The following GEMIN5 variants were observed in gnomAD, a reference collection of about 807,000 sequenced individuals.
The protein encoded by GEMIN5 is gem-associated protein 5.
In GEMIN5, 124 loss-of-function variants were observed where a neutral mutation model predicts 176.9. The observed-to-expected ratio is 0.70, with a 90% CI of 0.61 to 0.81. GEMIN5 has a LOEUF of 0.81. GEMIN5 is among the 40% of genes least tolerant of loss of function. The probability of loss-of-function intolerance (pLI) is 0.00; values close to 1 mark genes in which losing one functional copy is unlikely to be tolerated. For missense variants in GEMIN5, 1,843 were observed against 1,814.6 expected (o/e 1.02, Z -0.28); for synonymous variants, 673 against 665.2 (o/e 1.01, Z -0.18).
chr5:154,903,172 A>G lies in GEMIN5; in HGVS notation c.2636T>C (p.Leu879Pro). The change falls in exon 19 of 28, where the codon CTG (leucine) becomes CCG (proline). Residue 879 changes from leucine to proline, a missense_variant. By Grantham distance (98) the Leu-to-Pro change is moderately conservative (BLOSUM62 -3). Transcript: ENST00000285873. ...VLATAKHSRE[L>P]NEDVSADVEE... ...AACATCAGCAGACACATCTTCATTC[A>G]GCTCTGTTAATTTAAAAAGGCAAAA... The G allele has an allele frequency of 6.2e-7, 1 of 1,606,014 alleles. No individual in the cohort carries two copies.
chr5:154,927,197 G>A (rs1318688747), intron 7 of GEMIN5, among the ~76,000 whole-genome samples, 188 bp downstream of exon 7: 1 of 152,116 alleles, frequency 6.6e-6, no homozygotes, highest in East Asian at 1.9e-4. Context: ...AAACTATTTT[G>A]GTGGGTCTTC....
At chr5:154,913,071 A>G (rs1249645695) in intron 13 of GEMIN5, 33 bp from the exon 14 acceptor site, 1 of 1,552,918 alleles carries the variant, frequency 6.4e-7, no homozygotes, top group Non-Finnish European at 8.7e-7. Flanking sequence ...CACTGCTGCT[A>G]CTACTAATAA....
chr5:154,888,534 AAC>A (rs960483063), intron 27 of GEMIN5, among the ~76,000 whole-genome samples, 157 bp from the exon 28 acceptor site: 3 of 152,184 alleles, frequency 2.0e-5, no homozygotes, highest in African/African-American at 7.2e-5. Context: ...CTTTCTCTTC[AAC>A]AGTTACTCCA....
At chr5:154,908,372 G>T (rs1396988330) in intron 15 of GEMIN5, among the ~76,000 whole-genome samples, 1 of 151,860 alleles carries the variant, frequency 6.6e-6, no homozygotes, top group Non-Finnish European at 1.5e-5. Flanking sequence ...GTAGAGACGG[G>T]GTTTCACCAT....
chr5:154,925,782 C>T (rs986701549), intron 8 of GEMIN5, 80 bp downstream of exon 8: 8 of 757,378 alleles, frequency 1.1e-5, no homozygotes, highest in South Asian at 6.5e-5. Flanking sequence ...CTCAACAGAG[C>T]GCATTTAAAT....
chr5:154,898,091 G>A (rs1179127392), intron 23 of GEMIN5, among the ~76,000 whole-genome samples: 1 of 151,862 alleles, frequency 6.6e-6, no homozygotes, highest in Non-Finnish European at 1.5e-5. Flanking sequence ...AGTTGAAACG[G>A]GGTTTCACCA....
chr5:154,908,314 G>A (rs1373215299), intron 15 of GEMIN5, among the ~76,000 whole-genome samples: 1 of 151,614 alleles, frequency 6.6e-6, no homozygotes, highest in Non-Finnish European at 1.5e-5. Context: ...CTGAGTAGCT[G>A]GGATTACAGG....
chr5:154,925,453 G>GTT (rs1764009796), intron 8 of GEMIN5, among the ~76,000 whole-genome samples: 1 of 152,072 alleles, frequency 6.6e-6, no homozygotes, highest in Non-Finnish European at 1.5e-5. Context: ...TACACATACT[G>GTT]TTTTATAACC....
chr5:154,901,617 T>C (rs1763467037), intron 20 of GEMIN5, 131 bp from the exon 21 acceptor site: 1 of 695,800 alleles, frequency 1.4e-6, no homozygotes, highest in Admixed American at 2.7e-5. Context: ...CCAATTCAGC[T>C]GCCATTATGG....
chr5:154,927,169 T>C (rs1764058131), intron 7 of GEMIN5, among the ~76,000 whole-genome samples: 1 of 152,182 alleles, frequency 6.6e-6, no homozygotes, highest in Non-Finnish European at 1.5e-5. Flanking sequence ...CCTTCTTTAT[T>C]ATGTCTGCTT....
At chr5:154,906,583 G>C (rs935822756) in intron 16 of GEMIN5, among the ~76,000 whole-genome samples, 1 of 152,014 alleles carries the variant, frequency 6.6e-6, no homozygotes, top group African/African-American at 2.4e-5. Context: ...TTAAAAAAAA[G>C]AAAAATAAAG....
intron 1 of GEMIN5, among the ~76,000 whole-genome samples, chr5:154,937,568 C>G (rs912784675): frequency 1.3e-5 from 2 of 152,202 alleles, no homozygotes; most frequent in African/African-American, 2.4e-5. Context: ...GCATCTGGTT[C>G]AACCCATTCA....
intron 13 of GEMIN5, among the ~76,000 whole-genome samples, chr5:154,915,170 C>A (rs1763785975): frequency 6.6e-6 from 1 of 152,174 alleles, no homozygotes; most frequent in African/African-American, 2.4e-5. Context: ...TAGGAAAACA[C>A]ATCTACATTT....
At chr5:154,904,091 A>G (rs1763522147) in intron 18 of GEMIN5, among the ~76,000 whole-genome samples, 1 of 152,166 alleles carries the variant, frequency 6.6e-6, no homozygotes, top group African/African-American at 2.4e-5. Flanking sequence ...GCTTCCATCA[A>G]ATTTTTTTCT....
At chr5:154,892,771 A>G in intron 24 of GEMIN5, 1 of 513,974 alleles carries the variant, frequency 1.9e-6, no homozygotes, top group South Asian at 2.7e-5. Flanking sequence ...GTCTGTTCAC[A>G]CTGAGAAAAC....
At chr5:154,896,375 T>C (rs748006461) in intron 23 of GEMIN5, 32 bp from the exon 24 acceptor site, 3 of 1,531,660 alleles carry the variant, frequency 2.0e-6, no homozygotes, top group South Asian at 2.6e-5. Context: ...GAGGAACTGT[T>C]ATACAGGGAA....
chr5:154,897,094 G>A (rs1445376462), intron 23 of GEMIN5, among the ~76,000 whole-genome samples: 2 of 152,134 alleles, frequency 1.3e-5, no homozygotes. Flanking sequence ...TTTTTTTGAT[G>A]GTGGATAAAT....
chr5:154,926,428 G>A (rs1159780951), intron 7 of GEMIN5, among the ~76,000 whole-genome samples: 1 of 152,008 alleles, frequency 6.6e-6, no homozygotes, highest in Non-Finnish European at 1.5e-5. Context: ...TCAGCACAGT[G>A]GAAAAATCAA....
At chr5:154,905,269 A>G (rs370042371) in intron 17 of GEMIN5, 94 bp downstream of exon 17, 2 of 575,556 alleles carry the variant, frequency 3.5e-6, no homozygotes, top group Non-Finnish European at 6.2e-6. Context: ...AAAACAAACA[A>G]GAAACCACAC....
Sources: gnomAD v4.1 joint callset for allele counts (sites outside exome capture counted in the v4.1 genomes callset) on GRCh38, gnomAD v4.1.1 for gene constraint, MANE v1.5 for transcripts, NCBI Gene and HGNC (gene_info 2026-07-23, HGNC 2026-07-21) for gene names.